The following MEGF11 variants were observed in gnomAD, a reference collection of about 807,000 sequenced individuals.
The protein encoded by MEGF11 is multiple epidermal growth factor-like domains protein 11.
MEGF11 carries 126 observed loss-of-function variants against 146.6 expected under a neutral mutation model. The observed-to-expected ratio is 0.86, with a 90% confidence interval of 0.74 to 1.00. The LOEUF (loss-of-function observed/expected upper bound fraction) is 1.00. Among genes scored for constraint, MEGF11 ranks in the 50% least tolerant of loss-of-function variants. MEGF11 has a pLI of 0.00. For synonymous variants in MEGF11, 532 were observed against 583.4 expected, an observed-to-expected ratio of 0.91 and a Z score of 1.27; for missense variants, 1,509 against 1,521.2, an observed-to-expected ratio of 0.99 and a Z score of 0.13.
intron 5 of MEGF11, among the ~76,000 whole-genome samples, chr15:66,080,969 C>G (rs2085826722): frequency 1.3e-5 from 2 of 152,242 alleles, no homozygotes; most frequent in South Asian, 4.1e-4. Flanking sequence ...TCTGAAGTTG[C>G]TTTAACCTTG....
intron 13 of MEGF11, among the ~76,000 whole-genome samples, chr15:65,927,833 T>C (rs1320586510): frequency 1.3e-5 from 2 of 152,060 alleles, no homozygotes; most frequent in Non-Finnish European, 2.9e-5. Flanking sequence ...CCCTGGGCCA[T>C]GGTAAGGATT....
chr15:66,202,642 G>C (rs1430497088), intron 1 of MEGF11, among the ~76,000 whole-genome samples: 1 of 152,220 alleles, frequency 6.6e-6, no homozygotes, highest in Non-Finnish European at 1.5e-5. Context: ...ATCCCCAACT[G>C]TCCAACCAAT....
intron 5 of MEGF11, among the ~76,000 whole-genome samples, chr15:66,031,019 C>T (rs925493830): frequency 3.3e-5 from 5 of 152,164 alleles, no homozygotes; most frequent in Non-Finnish European, 7.3e-5. Flanking sequence ...AAACCCAAAC[C>T]ACTGGGATTA....
intron 7 of MEGF11, among the ~76,000 whole-genome samples, chr15:65,977,845 T>C (rs1289660758): frequency 3.3e-5 from 5 of 152,176 alleles, no homozygotes; most frequent in Non-Finnish European, 7.3e-5. Context: ...GGGTGGGGGA[T>C]GTCAATCCTA....
intron 10 of MEGF11, among the ~76,000 whole-genome samples, chr15:65,942,519 TTGATGA>T (rs58727647): frequency 3.3e-5 from 5 of 151,836 alleles, no homozygotes; most frequent in South Asian, 2.1e-4. Flanking sequence ...GAAAGCTGGT[TTGATGA>T]TGATGATGAT....
rs1555468269 is a variant in MEGF11, at chr15:66,079,543, C to CCG, written c.394+14858_394+14859insCG. Among the ~76,000 whole-genome samples the CCG allele has an allele frequency of 2.3e-4, 33 of 145,318 alleles. 1 individual carries two copies. The South Asian group carries it at 4.2e-3, about 18-fold the overall frequency. On this transcript the variant is annotated intron_variant, in intron 5 of 25. Coordinates refer to ENST00000395614, the MANE Select transcript of MEGF11 (RefSeq NM_001385028.1). Reference sequence around the variant, plus strand: ...CCTGGGAACCTTCATTCACACCCCCCCCCCCAGCACCCCCGCCAAAACTCA... The same window carrying CCG: ...CCTGGGAACCTTCATTCACACCCCCCCGCCCCCAGCACCCCCGCCAAAACTCA...
At chr15:66,199,761 C>T (rs2091103843) in intron 1 of MEGF11, among the ~76,000 whole-genome samples, 1 of 152,042 alleles carries the variant, frequency 6.6e-6, no homozygotes, top group Non-Finnish European at 1.5e-5. Flanking sequence ...TGCACTTCAG[C>T]CTGGGCAACA....
In MEGF11 at chr15:66,210,600, G is replaced by A. The variant is rs549050261; in HGVS notation, c.-9+43005C>T. Among the ~76,000 whole-genome samples the A allele has an allele frequency of 2.9e-4, 44 of 152,320 alleles. No homozygotes were observed. In the East Asian group the frequency reaches 8.3e-3, roughly 29 times the overall value. On this transcript the variant is annotated intron_variant, in intron 1 of 25. Coordinates refer to ENST00000395614, the MANE Select transcript of MEGF11 (RefSeq NM_001385028.1). ...TGAAGGATTCTGGGTAAGGAAGCAT[G>A]GGTGGAATGATCCCCTGCACTCAAA... is the stretch of plus-strand genomic sequence containing the variant.
rs115440943 is a variant in MEGF11 at position 65,975,940 on chromosome 15, G to A, written c.762+4838C>T. ...TGGAAGAACAGCCTTTTGGGGAGAG[G>A]CAGGGGGAGAGAGCAGCCAGAGAAG... On this transcript the variant is annotated intron_variant, in intron 7 of 25. Coordinates refer to ENST00000395614, the MANE Select transcript of MEGF11 (RefSeq NM_001385028.1). 7.6e-3 allele frequency among the ~76,000 whole-genome samples: 1,162 copies of A among 152,186 alleles called. 20 individuals carry two copies. Among genetic ancestry groups the A allele is most frequent in the African/African-American group, 0.027 (1,107 of 41,502 alleles).
At chr15:66,163,271 G>A (rs1036499059) in intron 1 of MEGF11, among the ~76,000 whole-genome samples, 1 of 152,162 alleles carries the variant, frequency 6.6e-6, no homozygotes, top group Non-Finnish European at 1.5e-5. Context: ...TAAATGAGCT[G>A]GGTTCTGAAG....
chr15:65,953,516 T>C (rs1218872575), intron 10 of MEGF11, among the ~76,000 whole-genome samples: 1 of 152,174 alleles, frequency 6.6e-6, no homozygotes, highest in East Asian at 1.9e-4. Flanking sequence ...TGCATCTCCA[T>C]GGGCCCTTGT....
intron 1 of MEGF11, among the ~76,000 whole-genome samples, chr15:66,225,220 C>G (rs1041871442): frequency 6.6e-6 from 1 of 152,230 alleles, no homozygotes; most frequent in African/African-American, 2.4e-5. Context: ...CATTAGGGAG[C>G]AGAGCCAAGG....
intron 1 of MEGF11, among the ~76,000 whole-genome samples, chr15:66,221,984 T>C (rs2091749853): frequency 6.6e-6 from 1 of 152,144 alleles, no homozygotes; most frequent in African/African-American, 2.4e-5. Context: ...GAATCCCAAT[T>C]AGGCCGCTTG....
intron 1 of MEGF11, among the ~76,000 whole-genome samples, chr15:66,195,267 T>G (rs1417811344): frequency 6.6e-6 from 1 of 152,186 alleles, no homozygotes; most frequent in Non-Finnish European, 1.5e-5. Context: ...TATAATCACA[T>G]TCTGAGGTAT....
At chr15:66,165,318 G>A (rs973136062) in intron 1 of MEGF11, among the ~76,000 whole-genome samples, 5 of 152,108 alleles carry the variant, frequency 3.3e-5, no homozygotes, top group Non-Finnish European at 4.4e-5. Flanking sequence ...GTGAAGCCAC[G>A]GACTCACAGG....
chr15:66,225,566 G>T (rs993365814), intron 1 of MEGF11, among the ~76,000 whole-genome samples: 1 of 152,148 alleles, frequency 6.6e-6, no homozygotes, highest in South Asian at 2.1e-4. Context: ...AACCCATCTG[G>T]TCACATCTGG....
At chr15:66,089,547 AG>A (rs2086240770) in intron 5 of MEGF11, among the ~76,000 whole-genome samples, 1 of 152,222 alleles carries the variant, frequency 6.6e-6, no homozygotes. Flanking sequence ...CTGGGATGGG[AG>A]GCAGAGAAAT....
Position 65,978,758 on chromosome 15 carries a change from C to T in MEGF11, c.762+2020G>A, listed in dbSNP as rs558683919. ...TTCAGGGTGGAAGAAAAGGTGGTGG[C>T]GGTCCCTTTTTCTTCCTCAGAGGAG... On this transcript the variant is annotated intron_variant, in intron 7 of 25. Coordinates refer to ENST00000395614, the MANE Select transcript of MEGF11 (RefSeq NM_001385028.1). Among the ~76,000 whole-genome samples the T allele has an allele frequency of 1.4e-4, 21 of 150,968 alleles. No homozygotes were observed. The South Asian group carries it at 4.2e-3, about 30-fold the overall frequency.
intron 13 of MEGF11, among the ~76,000 whole-genome samples, chr15:65,925,362 C>T (rs2079334693): frequency 6.6e-6 from 1 of 152,192 alleles, no homozygotes; most frequent in Non-Finnish European, 1.5e-5. Context: ...TAGGACTTGG[C>T]AGTTATTATA....
Sources: allele counts gnomAD v4.1 joint callset (sites outside exome capture counted in the v4.1 genomes callset), GRCh38; gene constraint gnomAD v4.1.1; transcripts MANE v1.5; gene names NCBI Gene and HGNC (gene_info 2026-07-23, HGNC 2026-07-21).